SLC35F4: variants seen among roughly 807,000 people sequenced by gnomAD.
SLC35F4 encodes the protein solute carrier family 35 member F4, also known as chromosome 14 open reading frame 36.
In SLC35F4, 24 loss-of-function variants were observed where a neutral mutation model predicts 44.2. The observed-to-expected ratio is 0.54, with a 90% CI of 0.39 to 0.76. The LOEUF (loss-of-function observed/expected upper bound fraction) is 0.76. Ranked by LOEUF, SLC35F4 falls within the 30% of genes least tolerant of loss-of-function variation. SLC35F4 has a pLI of 0.00. For synonymous variants in SLC35F4, 238 were observed against 223.6 expected (o/e 1.06, Z -0.57); for missense variants, 562 against 586.1 (o/e 0.96, Z 0.42).
At chr14:57,877,280 T>C (rs1185078904) in intron 1 of SLC35F4, among the ~76,000 whole-genome samples, 1 of 152,232 alleles carries the variant, frequency 6.6e-6, no homozygotes, top group South Asian at 2.1e-4. Flanking sequence ...TGTTCCTGTG[T>C]TAATTGACTT....
At chr14:57,789,517 C>CA (rs1313281409) in intron 1 of SLC35F4, among the ~76,000 whole-genome samples, 1 of 151,886 alleles carries the variant, frequency 6.6e-6, no homozygotes, top group African/African-American at 2.4e-5. Flanking sequence ...GCCTACCAAC[C>CA]AAAAAAAGCC....
At position 57,666,565 on chromosome 14, in the gene SLC35F4, G is replaced by A. The variant is rs575873250; in HGVS notation, c.104-72441C>T. ...AACTCTGAACAGAGGACTCAGTTAA[G>A]CTATACCACAACTCCTGACCTGCAG... On this transcript the variant is annotated intron_variant, in intron 1 of 7. Transcript: ENST00000556826. Among the ~76,000 whole-genome samples, 19 of 152,250 alleles carry A rather than the reference G, an allele frequency of 1.2e-4. No homozygotes were observed. The South Asian group carries it at 3.9e-3, about 32-fold the overall frequency.
chr14:57,685,310 G>C (rs1316667638), intron 1 of SLC35F4, among the ~76,000 whole-genome samples: 1 of 152,136 alleles, frequency 6.6e-6, no homozygotes, highest in Non-Finnish European at 1.5e-5. Flanking sequence ...AGGCCTTAGA[G>C]AAAGGGTAGA....
chr14:57,961,229 C>A (rs1008316992), intron 1 of SLC35F4, among the ~76,000 whole-genome samples: 9 of 152,156 alleles, frequency 5.9e-5, no homozygotes, highest in African/African-American at 2.2e-4. Context: ...GCACTGGGAC[C>A]AAATACCATC....
chr14:57,826,959 A>G (rs903122593), intron 1 of SLC35F4, among the ~76,000 whole-genome samples: 1 of 152,224 alleles, frequency 6.6e-6, no homozygotes, highest in African/African-American at 2.4e-5. Context: ...GTAATTCCTC[A>G]AAGACCTAGA....
intron 1 of SLC35F4, among the ~76,000 whole-genome samples, chr14:57,674,945 T>C (rs2074641178): frequency 6.6e-6 from 1 of 152,136 alleles, no homozygotes; most frequent in Admixed American, 6.5e-5. Flanking sequence ...CGCTAGCTAA[T>C]CAACATTTTT....
intron 1 of SLC35F4, among the ~76,000 whole-genome samples, chr14:57,727,482 G>C (rs1279364818): frequency 6.6e-6 from 1 of 150,544 alleles, no homozygotes. Flanking sequence ...TGCATCATTA[G>C]GTTATTTTTA....
At chr14:57,800,901 C>A (rs1409348524) in intron 1 of SLC35F4, among the ~76,000 whole-genome samples, 2 of 152,084 alleles carry the variant, frequency 1.3e-5, no homozygotes, top group African/African-American at 4.8e-5. Context: ...GATTGGGGTA[C>A]CTGAAAGAGA....
intron 1 of SLC35F4, among the ~76,000 whole-genome samples, chr14:57,823,403 T>C (rs542689938): frequency 9.2e-5 from 14 of 152,350 alleles, no homozygotes; most frequent in African/African-American, 3.1e-4. Flanking sequence ...CTTGTCATTG[T>C]CTGTACTTCC....
rs59027196 is a variant in SLC35F4, at chr14:57,950,675, C to CTTTTTTTTTTTTTT, written n.282+31237_282+31238insAAAAAAAAAAAAAA. Among the ~76,000 whole-genome samples, 243 of 127,078 alleles carry CTTTTTTTTTTTTTT rather than the reference C, an allele frequency of 1.9e-3. 4 individuals carry two copies. Among genetic ancestry groups the CTTTTTTTTTTTTTT allele is most frequent in the African/African-American group, 2.9e-3 (90 of 31,312 alleles). 83.4% of individuals were successfully genotyped at this position (127,078 alleles called of 152,430 possible). The stretch of plus-strand genomic sequence containing the variant: ...GACTCTTTGTTTCTTTTCTTTCTTT[C>CTTTTTTTTTTTTTT]TTTTTTTTTTTTGAGACAGAGTCTT... On this transcript the variant is annotated intron_variant and non_coding_transcript_variant, in intron 1 of 1. Transcript: ENST00000556568.
intron 1 of SLC35F4, among the ~76,000 whole-genome samples, chr14:57,937,270 G>A (rs1403306218): frequency 6.6e-6 from 1 of 152,034 alleles, no homozygotes; most frequent in Non-Finnish European, 1.5e-5. Context: ...GTTTCTCAAT[G>A]TCGGTCAGGC....
chr14:57,608,789 G>A (rs1051453073), intron 1 of SLC35F4, among the ~76,000 whole-genome samples: 2 of 21,548 alleles, frequency 9.3e-5, no homozygotes, highest in Non-Finnish European at 2.6e-4. Context: ...AAGATGGCCG[G>A]GGGGGGGCGG....
At chr14:57,596,697 G>T in intron 1 of SLC35F4, 3 of 993,296 alleles carry the variant, frequency 3.0e-6, no homozygotes, top group Non-Finnish European at 4.4e-6. Flanking sequence ...CTAAAAAGTT[G>T]GTAACTTGTG....
intron 1 of SLC35F4, among the ~76,000 whole-genome samples, chr14:57,876,609 G>A (rs11846707): frequency 0.19 from 28,497 of 151,996 alleles, 5,911 homozygotes; most frequent in African/African-American, 0.52. Flanking sequence ...AAACATCACT[G>A]TCGAGCTTAA....
At chr14:57,630,671 T>G in intron 1 of SLC35F4, 1 of 658,564 alleles carries the variant, frequency 1.5e-6, no homozygotes, top group South Asian at 1.5e-5. Context: ...GGACTAGTCC[T>G]ATGCTCAGTG....
At chr14:57,577,323 A>C (rs2068858981) in intron 4 of SLC35F4, among the ~76,000 whole-genome samples, 2 of 152,158 alleles carry the variant, frequency 1.3e-5, no homozygotes, top group African/African-American at 4.8e-5. Context: ...CTTTGAAAAC[A>C]GCTATAGTTT....
intron 1 of SLC35F4, among the ~76,000 whole-genome samples, chr14:57,649,553 A>G (rs2073692151): frequency 6.6e-6 from 1 of 152,110 alleles, no homozygotes; most frequent in African/African-American, 2.4e-5. Context: ...TAATTTATTC[A>G]CATCTGCAAT....
At chr14:57,854,255 CAA>C (rs1277890969) in intron 1 of SLC35F4, among the ~76,000 whole-genome samples, 2 of 151,934 alleles carry the variant, frequency 1.3e-5, no homozygotes, top group African/African-American at 4.8e-5. Context: ...GTTAGGGTAA[CAA>C]GATTATTTCC....
At chr14:57,824,587 T>G (rs1883525535) in intron 1 of SLC35F4, among the ~76,000 whole-genome samples, 1 of 152,132 alleles carries the variant, frequency 6.6e-6, no homozygotes, top group Non-Finnish European at 1.5e-5. Context: ...TTTTAGTTTT[T>G]CTTTGGGGTT....
Sources: allele counts gnomAD v4.1 joint callset (sites outside exome capture counted in the v4.1 genomes callset), GRCh38; gene constraint gnomAD v4.1.1; transcripts MANE v1.5; gene names NCBI Gene and HGNC (gene_info 2026-07-23, HGNC 2026-07-21).